Variants in LRRC7 observed in about 807,000 individuals in gnomAD.
LRRC7 encodes the protein leucine-rich repeat-containing protein 7.
In LRRC7, 23 loss-of-function variants were observed where a neutral mutation model predicts 175.7. That is an observed-to-expected ratio of 0.13 (90% CI 0.09 to 0.19). The LOEUF is 0.19. LRRC7 is among the 10% of genes least tolerant of loss of function. LRRC7 has a pLI of 1.00. For synonymous variants in LRRC7, 685 were observed against 680.9 expected (o/e 1.01, Z -0.09); for missense variants, 1,354 against 1,904.7 (o/e 0.71, Z 5.38).
chr1:69,937,863 G>T (rs946577459), intron 8 of LRRC7, among the ~76,000 whole-genome samples: 1 of 151,670 alleles, frequency 6.6e-6, no homozygotes, highest in African/African-American at 2.4e-5. Context: ...TTAAAGAGAG[G>T]CTTTCTTACC....
At chr1:69,728,322 C>A (rs1220005627) in intron 2 of LRRC7, among the ~76,000 whole-genome samples, 1 of 152,012 alleles carries the variant, frequency 6.6e-6, no homozygotes, top group Non-Finnish European at 1.5e-5. Context: ...TTTGTTCTTG[C>A]TTTGAAAATA....
At chr1:69,728,040 G>A (rs1472390169) in intron 2 of LRRC7, among the ~76,000 whole-genome samples, 1 of 151,980 alleles carries the variant, frequency 6.6e-6, no homozygotes, top group Non-Finnish European at 1.5e-5. Context: ...AGCTGTCTCT[G>A]GCAGTCACCT....
At chr1:70,031,750 A>G (rs1413983423) in intron 18 of LRRC7, among the ~76,000 whole-genome samples, 1 of 151,374 alleles carries the variant, frequency 6.6e-6, no homozygotes, top group Non-Finnish European at 1.5e-5. Flanking sequence ...TTGGTTTTTT[A>G]TCACAGCAAC....
chr1:69,668,443 G>T (rs1557573119), intron 1 of LRRC7, among the ~76,000 whole-genome samples: 1 of 152,042 alleles, frequency 6.6e-6, no homozygotes, highest in African/African-American at 2.4e-5. Context: ...ATGGTTTCCA[G>T]TTTCATCCAT....
At chr1:69,701,504 AAACCATAC>A (rs1429910787) in intron 2 of LRRC7, among the ~76,000 whole-genome samples, 58 of 152,330 alleles carry the variant, frequency 3.8e-4, no homozygotes, top group African/African-American at 1.4e-3. Context: ...CATTTAAAAA[AAACCATAC>A]ACTTCCATTT....
chr1:69,654,157 A>G (rs114436515), intron 1 of LRRC7, among the ~76,000 whole-genome samples: 2,575 of 151,904 alleles, frequency 0.017, 68 homozygotes, highest in African/African-American at 0.059. Context: ...CTATAGGACT[A>G]GAATAGGCAT....
chr1:69,971,379 A>T (rs1051558971), intron 8 of LRRC7, among the ~76,000 whole-genome samples: 4 of 152,162 alleles, frequency 2.6e-5, no homozygotes, highest in African/African-American at 7.2e-5. Context: ...AACCCTAAAG[A>T]CTACTCCAGA....
intron 7 of LRRC7, among the ~76,000 whole-genome samples, chr1:69,882,078 A>G (rs1686674178): frequency 1.3e-5 from 2 of 152,024 alleles, no homozygotes; most frequent in South Asian, 2.1e-4. Context: ...GGATGTAAAT[A>G]AACATTTTTC....
At chr1:70,063,457 A>G (rs765775756) in intron 23 of LRRC7, among the ~76,000 whole-genome samples, 4 of 152,122 alleles carry the variant, frequency 2.6e-5, no homozygotes, top group Non-Finnish European at 5.9e-5. Context: ...CCAGTGATGG[A>G]GAAGATTGTT....
intron 14 of LRRC7, 84 bp from the exon 15 acceptor site, chr1:70,018,635 T>C: frequency 2.5e-6 from 2 of 794,442 alleles, no homozygotes; most frequent in African/African-American, 1.8e-5. Flanking sequence ...CCCCCCAATG[T>C]TTATTTATCT....
At chr1:69,740,260 T>A (rs967208459) in intron 2 of LRRC7, among the ~76,000 whole-genome samples, 1 of 152,080 alleles carries the variant, frequency 6.6e-6, no homozygotes, top group African/African-American at 2.4e-5. Context: ...AGAGTTAATT[T>A]ATTCTGAAGC....
At chr1:70,078,046 T>C (rs1476000181) in intron 24 of LRRC7, among the ~76,000 whole-genome samples, 3 of 152,226 alleles carry the variant, frequency 2.0e-5, no homozygotes, top group Non-Finnish European at 2.9e-5. Context: ...AGATGTATTG[T>C]ACATTTCAAA....
chr1:69,709,059 G>A (rs574160637), intron 2 of LRRC7, among the ~76,000 whole-genome samples: 10 of 152,294 alleles, frequency 6.6e-5, no homozygotes, highest in African/African-American at 1.9e-4. Context: ...CACTCAGATT[G>A]TTCCCTTCAA....
chr1:70,073,691 A>G (rs1030552963), intron 23 of LRRC7, among the ~76,000 whole-genome samples: 1 of 152,190 alleles, frequency 6.6e-6, no homozygotes, highest in Non-Finnish European at 1.5e-5. Flanking sequence ...ATCACTTTCA[A>G]TTAAACTGCC....
At chr1:69,921,249 C>G (rs190497660) in intron 7 of LRRC7, among the ~76,000 whole-genome samples, 2 of 152,052 alleles carry the variant, frequency 1.3e-5, no homozygotes, top group African/African-American at 4.8e-5. Context: ...AAGGAGAGTT[C>G]GTTTTCAGGT....
chr1:69,734,188 CAA>C (rs1667871209), intron 2 of LRRC7, among the ~76,000 whole-genome samples: 1 of 151,680 alleles, frequency 6.6e-6, no homozygotes, highest in African/African-American at 2.4e-5. Context: ...AAAAAATACA[CAA>C]AGTCAAAATA....
intron 1 of LRRC7, among the ~76,000 whole-genome samples, chr1:69,612,008 A>C (rs1361643316): frequency 6.6e-6 from 1 of 152,040 alleles, no homozygotes; most frequent in Non-Finnish European, 1.5e-5. Flanking sequence ...AGCTACATAA[A>C]TTTGTAAGCT....
intron 25 of LRRC7, among the ~76,000 whole-genome samples, chr1:70,097,998 A>G (rs1465011867): frequency 6.6e-6 from 1 of 151,136 alleles, no homozygotes; most frequent in African/African-American, 2.4e-5. Context: ...GGCTGGGTCA[A>G]ATGGTATTTC....
At chr1:69,959,873 G>A (rs560699930) in intron 8 of LRRC7, among the ~76,000 whole-genome samples, 2 of 152,206 alleles carry the variant, frequency 1.3e-5, no homozygotes, top group African/African-American at 4.8e-5. Context: ...TTGATGTGCT[G>A]CTGGATTCAG....
Sources: allele counts gnomAD v4.1 joint callset (sites outside exome capture counted in the v4.1 genomes callset), GRCh38; gene constraint gnomAD v4.1.1; transcripts MANE v1.5; gene names NCBI Gene and HGNC (gene_info 2026-07-23, HGNC 2026-07-21).